The following TNNI1 variants were observed in gnomAD, a reference collection of about 807,000 sequenced individuals.
TNNI1 encodes troponin I, slow skeletal muscle.
A neutral mutation model predicts 26.7 loss-of-function variants in TNNI1; 14 were observed. The ratio of observed to expected loss-of-function variants is 0.52; its 90% CI spans 0.35 to 0.82. The LOEUF is 0.82. Among genes scored for constraint, TNNI1 ranks in the 40% least tolerant of loss-of-function variants. TNNI1 has a pLI of 0.01. For missense variants in TNNI1, 164 were observed against 257.0 expected (o/e 0.64, Z 2.47); for synonymous variants, 79 against 98.2 (o/e 0.80, Z 1.16).
At chr1:201,409,594 G>C (rs1255657613) in intron 8 of TNNI1, among the ~76,000 whole-genome samples, 1 of 152,106 alleles carries the variant, frequency 6.6e-6, no homozygotes, top group African/African-American at 2.4e-5. Context: ...ACACTCGCTC[G>C]TCGCATCCTC....
chr1:201,415,365 C>A, intron 3 of TNNI1, 111 bp from the exon 4 acceptor site: 2 of 1,121,522 alleles, frequency 1.8e-6, no homozygotes, highest in Non-Finnish European at 2.6e-6. Flanking sequence ...TATCCGGAAT[C>A]CTCTGCTCAC....
intron 1 of TNNI1, among the ~76,000 whole-genome samples, chr1:201,419,725 GGTCAGAAA>G (rs1381421074): frequency 1.3e-5 from 2 of 152,138 alleles, no homozygotes; most frequent in African/African-American, 4.8e-5. Flanking sequence ...TCTCCCAACG[GGTCAGAAA>G]GCCTTCTGGG....
chr1:201,417,168 T>G, intron 2 of TNNI1, 49 bp from the exon 3 acceptor site: 6 of 1,612,682 alleles, frequency 3.7e-6, no homozygotes, highest in Non-Finnish European at 5.1e-6. Context: ...GAACACAGAG[T>G]GAGTATGAAC....
chr1:201,408,042 CAA>C lies in TNNI1; in HGVS notation c.*1209_*1210del, dbSNP rs35058233. 68 of 105,856 alleles carry C rather than the reference CAA, an allele frequency of 6.4e-4. No individual in the cohort carries two copies. The highest frequency in any genetic ancestry group is 9.5e-4 in the Admixed American group (9 of 9,520). 6.6% of individuals were successfully genotyped at this position (105,856 alleles called of 1,614,324 possible). A position where few individuals can be genotyped will look rare whatever the true frequency, so the allele number is the denominator to read the frequency against. ...TGGGTGACACAGCGAGACTCCATCT[CAA>C]AAAAAAAAAAAAAAGGAAAAAGAAA... On this transcript the variant is annotated 3_prime_UTR_variant, in exon 9 of 9. Coordinates refer to ENST00000361379, the MANE Select transcript of TNNI1 (RefSeq NM_003281.4).
At chr1:201,417,411 C>T (rs550903973) in intron 2 of TNNI1, among the ~76,000 whole-genome samples, 14 of 152,246 alleles carry the variant, frequency 9.2e-5, no homozygotes, top group East Asian at 5.8e-4. Flanking sequence ...GAAGCCTTAG[C>T]GTAGGGTTCC....
intron 6 of TNNI1, among the ~76,000 whole-genome samples, chr1:201,412,007 C>G (rs1662643772): frequency 1.3e-5 from 2 of 152,188 alleles, no homozygotes; most frequent in Admixed American, 1.3e-4. Flanking sequence ...GATCCCTGCT[C>G]TAGGACAGTC....
intron 1 of TNNI1, among the ~76,000 whole-genome samples, chr1:201,418,199 A>C (rs892146105): frequency 6.6e-6 from 1 of 152,108 alleles, no homozygotes; most frequent in Non-Finnish European, 1.5e-5. Context: ...AGCTGGGCGC[A>C]GTGGCTCATG....
intron 5 of TNNI1, 84 bp downstream of exon 5, chr1:201,414,434 T>G: frequency 7.8e-7 from 1 of 1,278,264 alleles, no homozygotes; most frequent in Non-Finnish European, 1.1e-6. Context: ...CTGGTGTTAG[T>G]TCAGGCTCCT....
chr1:201,408,744 C>G lies in TNNI1; in HGVS notation c.*509G>C, dbSNP rs916699846. ...AAGCAGCCACCAATTCCTTAGCCCT[C>G]CCTTCAGATCCCGAGCTCCGGACTG... On this transcript the variant is annotated 3_prime_UTR_variant, in exon 9 of 9. Coordinates refer to ENST00000361379, the MANE Select transcript of TNNI1 (RefSeq NM_003281.4). 6.6e-6 allele frequency: 1 copy of G among 152,290 alleles called. No homozygotes were observed. The highest frequency in any genetic ancestry group is 2.1e-4 in the South Asian group (1 of 4,820). The allele number at this position is 152,290 out of a possible 1,614,324, so 9.4% of individuals were successfully genotyped here.
chr1:201,410,984 C>T (rs534162499), intron 7 of TNNI1, among the ~76,000 whole-genome samples: 1 of 152,214 alleles, frequency 6.6e-6, no homozygotes, highest in Non-Finnish European at 1.5e-5. Context: ...TGTCTATGCT[C>T]GTGTGTGGCT....
At chr1:201,419,131 A>T (rs905988921) in intron 1 of TNNI1, among the ~76,000 whole-genome samples, 3 of 152,340 alleles carry the variant, frequency 2.0e-5, no homozygotes, top group African/African-American at 7.2e-5. Flanking sequence ...CTTAAAAAAA[A>T]GTCAAACAAA....
chr1:201,411,569 G>A lies in TNNI1; in HGVS notation c.280-36C>T, dbSNP rs769616788. 7.3e-6 allele frequency: 11 copies of A among 1,514,048 alleles called. No individual in the cohort carries two copies. The Admixed American group carries it at 9.8e-5, about 14-fold the overall frequency. 93.8% of individuals were successfully genotyped at this position (1,514,048 alleles called of 1,614,324 possible). A position where few individuals can be genotyped will look rare whatever the true frequency, so the allele number is the denominator to read the frequency against. ...GAAGCGCCCGGGGCTCACTGGAGAG[G>A]CAGCTAGCCACAGGACACCCTTCCT... On this transcript the variant is annotated intron_variant, in intron 6 of 8. Coordinates refer to ENST00000361379, the MANE Select transcript of TNNI1 (RefSeq NM_003281.4). The surrounding 1 kb of genome is among the most constrained non-coding windows in gnomAD (Gnocchi z 4.6).
Position 201,411,279 on chromosome 1 carries a change from C to T in TNNI1, c.456+78G>A. ...TCTCCAACAGGAGCTCCTGGGCCAGCCTGAGGCCATGTGAGGGGTTGACAA... is the reference window on the plus strand; with the variant it reads ...TCTCCAACAGGAGCTCCTGGGCCAGTCTGAGGCCATGTGAGGGGTTGACAA... On this transcript the variant is annotated intron_variant, in intron 7 of 8. Transcript: ENST00000361379. The surrounding 1 kb of genome is among the most constrained non-coding windows in gnomAD (Gnocchi z 4.6). 1 of 1,537,260 alleles carries T rather than the reference C, an allele frequency of 6.5e-7. No individual in the cohort carries two copies.
At chr1:201,420,351 G>A (rs1333249659) in intron 1 of TNNI1, among the ~76,000 whole-genome samples, 1 of 152,236 alleles carries the variant, frequency 6.6e-6, no homozygotes, top group Non-Finnish European at 1.5e-5. Context: ...GATGAAGATA[G>A]CAGCCACTGG....
chr1:201,410,118 G>T (rs1033344397), intron 8 of TNNI1: 2 of 509,058 alleles, frequency 3.9e-6, no homozygotes, highest in African/African-American at 1.9e-5. Flanking sequence ...GGAACAAAAA[G>T]GGCCGCCAAA....
At position 201,411,426 on chromosome 1, in the gene TNNI1, G is replaced by A; in HGVS notation, c.387C>T (p.Gly129=). The A allele has an allele frequency of 1.2e-6, 2 of 1,613,900 alleles. No individual in the cohort carries two copies. The highest frequency in any genetic ancestry group is 1.1e-5 in the South Asian group (1 of 90,996). ...SADAMLRALL[G]SKHKVSMDLR... ...GATCCATGGACACCTTGTGCTTGGA[G>A]CCCAGCAGGGCCCGGAGCATGGCGT... Residue 129 remains glycine (G), a synonymous_variant, in exon 7 of 9, where the codon GGC becomes GGT. Transcript: ENST00000361379. This position sits in a 1 kb window ranked among gnomAD's most constrained non-coding sequence, Gnocchi z 4.6.
In TNNI1 at chr1:201,417,669, T is replaced by C. The variant is rs1392341064; in HGVS notation, c.11+114A>G. The C allele has an allele frequency of 5.6e-6, 5 of 885,236 alleles. No individual in the cohort carries two copies. In the African/African-American group the frequency reaches 6.9e-5, roughly 12 times the overall value. The allele number at this position is 885,236 out of a possible 1,614,324, so 54.8% of individuals were successfully genotyped here. On this transcript the variant is annotated intron_variant, in intron 2 of 8. Transcript: ENST00000361379. ...GTGCTGCCCCTGTTTGAGGACCTGG[T>C]CTCTTAGGGAAAAGCTTTGGGGGTT...
intron 4 of TNNI1, among the ~76,000 whole-genome samples, chr1:201,414,854 G>A (rs376516303): frequency 2.1e-3 from 326 of 152,322 alleles, no homozygotes; most frequent in East Asian, 3.9e-3. Context: ...TGTTTTCCCC[G>A]GACAGTCTTC....
chr1:201,415,656 G>A (rs1248767755), intron 3 of TNNI1, among the ~76,000 whole-genome samples: 1 of 152,074 alleles, frequency 6.6e-6, no homozygotes, highest in African/African-American at 2.4e-5. Context: ...AATCGTAAAA[G>A]CTATGTGTTT....
Sources: gnomAD v4.1 joint callset for allele counts (sites outside exome capture counted in the v4.1 genomes callset) on GRCh38, gnomAD v4.1.1 for gene constraint, Gnocchi (gnomAD v3.1) non-coding constraint, MANE v1.5 for transcripts, NCBI Gene and HGNC (gene_info 2026-07-23, HGNC 2026-07-21) for gene names.